The following ASIC2 variants were observed in gnomAD, a reference collection of about 807,000 sequenced individuals.
ASIC2 encodes acid-sensing ion channel 2.
Under a neutral mutation model 57.3 loss-of-function variants are expected in ASIC2, and 25 were observed. The ratio of observed to expected loss-of-function variants is 0.44; its 90% CI spans 0.32 to 0.61. The LOEUF (loss-of-function observed/expected upper bound fraction) is 0.61, where lower values mean the gene tolerates loss of function less well. Among genes scored for constraint, ASIC2 ranks in the 20% least tolerant of loss-of-function variants. ASIC2 has a pLI of 0.06. For synonymous variants in ASIC2, 319 were observed against 307.5 expected, an observed-to-expected ratio of 1.04 and a Z score of -0.39; for missense variants, 641 against 738.1, an observed-to-expected ratio of 0.87 and a Z score of 1.52.
intron 1 of ASIC2, among the ~76,000 whole-genome samples, chr17:34,150,652 A>G (rs1488819541): frequency 6.6e-6 from 1 of 152,228 alleles, no homozygotes; most frequent in Non-Finnish European, 1.5e-5. Flanking sequence ...GACTGTTCTA[A>G]CAGAGGAATA....
intron 1 of ASIC2, among the ~76,000 whole-genome samples, chr17:33,579,114 G>A (rs925890448): frequency 5.9e-5 from 9 of 151,818 alleles, no homozygotes; most frequent in East Asian, 3.9e-4. Flanking sequence ...GTGAAACCCC[G>A]TCTCTACTAA....
intron 1 of ASIC2, among the ~76,000 whole-genome samples, chr17:33,712,196 A>G (rs181544843): frequency 2.0e-5 from 3 of 152,302 alleles, no homozygotes; most frequent in Non-Finnish European, 2.9e-5. Context: ...ATGACTGCCT[A>G]CAGTCTCAGT....
At chr17:33,741,901 T>C (rs1406408876) in intron 1 of ASIC2, among the ~76,000 whole-genome samples, 2 of 152,210 alleles carry the variant, frequency 1.3e-5, no homozygotes, top group African/African-American at 2.4e-5. Flanking sequence ...AGAATTAGGC[T>C]AAGTGAGAAT....
intron 1 of ASIC2, among the ~76,000 whole-genome samples, chr17:33,923,652 G>A (rs991091535): frequency 6.6e-6 from 1 of 152,196 alleles, no homozygotes; most frequent in Non-Finnish European, 1.5e-5. Context: ...TGGGGCCGGG[G>A]AGTGGGGCTC....
chr17:33,766,075 C>T (rs577432383), intron 1 of ASIC2, among the ~76,000 whole-genome samples: 1 of 152,236 alleles, frequency 6.6e-6, no homozygotes, highest in East Asian at 1.9e-4. Context: ...GGAGGTTTTG[C>T]TTTCTATGGT....
At chr17:33,588,674 A>G (rs1346715112) in intron 1 of ASIC2, among the ~76,000 whole-genome samples, 1 of 152,226 alleles carries the variant, frequency 6.6e-6, no homozygotes, top group African/African-American at 2.4e-5. Context: ...AGGAGACAAG[A>G]TCGCATCACA....
chr17:33,778,441 C>T (rs1287139166), intron 1 of ASIC2, among the ~76,000 whole-genome samples: 1 of 152,068 alleles, frequency 6.6e-6, no homozygotes, highest in South Asian at 2.1e-4. Flanking sequence ...CAATTTTGTG[C>T]CTTGGATTCA....
chr17:33,100,526 C>G (rs1057443176), intron 2 of ASIC2, among the ~76,000 whole-genome samples: 1 of 152,222 alleles, frequency 6.6e-6, no homozygotes, highest in African/African-American at 2.4e-5. Context: ...CTTCTAGATT[C>G]TCAATCTATC....
Position 33,857,193 on chromosome 17 carries a change from G to A in ASIC2, c.555+298785C>T, listed in dbSNP as rs560025316. 3.3e-5 allele frequency among the ~76,000 whole-genome samples: 5 copies of A among 152,284 alleles called. No individual in the cohort carries two copies. In the East Asian group the frequency reaches 9.7e-4, roughly 29 times the overall value. Reference sequence around the variant, plus strand: ...CCCATGCCCTCGGCCCCTTTCTGCTGCTGGTCAACCAGTGCTGTCCCAGAC... The same window carrying A: ...CCCATGCCCTCGGCCCCTTTCTGCTACTGGTCAACCAGTGCTGTCCCAGAC... On this transcript the variant is annotated intron_variant, in intron 1 of 9. Coordinates refer to the ASIC2 transcript ENST00000359872.
intron 1 of ASIC2, among the ~76,000 whole-genome samples, chr17:33,582,119 G>A (rs942200878): frequency 3.9e-5 from 6 of 152,152 alleles, no homozygotes; most frequent in Non-Finnish European, 8.8e-5. Flanking sequence ...ATAAATGAGT[G>A]TAGTTTTAAG....
intron 1 of ASIC2, among the ~76,000 whole-genome samples, chr17:33,705,505 A>G (rs1168473148): frequency 6.6e-6 from 1 of 152,222 alleles, no homozygotes; most frequent in Non-Finnish European, 1.5e-5. Context: ...TGGGCCCTAA[A>G]TGTAATCACA....
At chr17:33,361,125 A>T (rs1908587231) in intron 1 of ASIC2, among the ~76,000 whole-genome samples, 1 of 152,138 alleles carries the variant, frequency 6.6e-6, no homozygotes, top group Non-Finnish European at 1.5e-5. Context: ...GGCTGGGAGG[A>T]GCATGTAGAT....
chr17:33,466,823 C>T (rs1282374671), intron 1 of ASIC2, among the ~76,000 whole-genome samples: 5 of 152,270 alleles, frequency 3.3e-5, no homozygotes, highest in South Asian at 2.1e-4. Flanking sequence ...CCCTTCCTTA[C>T]ACCTTATACA....
chr17:33,767,097 C>T (rs754086169), intron 1 of ASIC2, among the ~76,000 whole-genome samples: 64 of 152,352 alleles, frequency 4.2e-4, no homozygotes, highest in Non-Finnish European at 9.0e-4. Context: ...CGATTCAGTG[C>T]ATCTGCTCTG....
At chr17:33,377,464 A>G (rs1023621067) in intron 1 of ASIC2, among the ~76,000 whole-genome samples, 5 of 152,176 alleles carry the variant, frequency 3.3e-5, no homozygotes, top group Admixed American at 3.3e-4. Context: ...CCTAGCTCTC[A>G]CTGGCTTCTC....
At position 33,023,905 on chromosome 17, in the gene ASIC2, G is replaced by T. The variant is rs149851966; in HGVS notation, c.1305C>A (p.Ala435=). ...SMVKIPSKTS[A]KYLEKKFNKS... ...TGTTAAATTTCTTCTCAAGGTACTT[G>T]GCTGATGTCTTGCTGGGGATCTTCA... Residue 435 remains alanine (A), a synonymous_variant, in exon 6 of 10, where the codon GCC becomes GCA. Transcript: ENST00000225823. The T allele has an allele frequency of 1.9e-6, 3 of 1,614,084 alleles. No individual in the cohort carries two copies. Among genetic ancestry groups the T allele is most frequent in the Non-Finnish European group, 2.5e-6 (3 of 1,180,048 alleles).
chr17:33,871,027 A>T (rs1914390518), intron 1 of ASIC2, among the ~76,000 whole-genome samples: 1 of 152,206 alleles, frequency 6.6e-6, no homozygotes. Flanking sequence ...GGCTTCAGCC[A>T]AATCAGAGTG....
At chr17:33,673,197 G>A (rs1907692843) in intron 1 of ASIC2, among the ~76,000 whole-genome samples, 1 of 152,146 alleles carries the variant, frequency 6.6e-6, no homozygotes, top group African/African-American at 2.4e-5. Flanking sequence ...GAGAGAAACT[G>A]AGGATGGGAT....
intron 1 of ASIC2, among the ~76,000 whole-genome samples, chr17:33,679,944 T>C (rs1241756617): frequency 1.3e-5 from 2 of 152,156 alleles, no homozygotes; most frequent in African/African-American, 2.4e-5. Flanking sequence ...TGTAATAGCC[T>C]GGTGAGGACG....
Sources: gnomAD v4.1 joint callset for allele counts (sites outside exome capture counted in the v4.1 genomes callset) on GRCh38, gnomAD v4.1.1 for gene constraint, MANE v1.5 for transcripts, NCBI Gene and HGNC (gene_info 2026-07-23, HGNC 2026-07-21) for gene names.